The following RNF43 variants were observed in gnomAD, a reference collection of about 807,000 sequenced individuals.
RNF43 encodes the protein E3 ubiquitin-protein ligase RNF43.
RNF43 carries 37 observed loss-of-function variants against 78.4 expected under a neutral mutation model. The observed-to-expected ratio is 0.47, with a 90% CI of 0.36 to 0.62. The LOEUF (loss-of-function observed/expected upper bound fraction) is 0.62, where lower values mean the gene tolerates loss of function less well. RNF43 is among the 20% of genes least tolerant of loss of function. RNF43 has a pLI of 0.00. For missense variants in RNF43, 774 were observed against 1,007.9 expected, an observed-to-expected ratio of 0.77 and a Z score of 3.14; for synonymous variants, 347 against 395.0, an observed-to-expected ratio of 0.88 and a Z score of 1.44.
intron 2 of RNF43, among the ~76,000 whole-genome samples, chr17:58,389,964 A>G (rs944509255): frequency 1.3e-5 from 2 of 152,228 alleles, no homozygotes; most frequent in African/African-American, 4.8e-5. Flanking sequence ...TCCATGGAAG[A>G]AAGTATTACT....
At chr17:58,356,603 A>T (rs1015704934) in intron 9 of RNF43, among the ~76,000 whole-genome samples, 1 of 152,210 alleles carries the variant, frequency 6.6e-6, no homozygotes, top group Admixed American at 6.5e-5. Context: ...CTTTTACCAC[A>T]GGGGAAGAGA....
chr17:58,360,327 C>T lies in RNF43; in HGVS notation c.850-76G>A, dbSNP rs1003979825. ...TGCCAGGAATCAGGACATCCCCCAA[C>T]TCCCTTAGGCCTCTCCTTGCTATTA... On this transcript the variant is annotated intron_variant, in intron 7 of 9. Coordinates refer to ENST00000407977, the MANE Select transcript of RNF43 (RefSeq NM_017763.6). The surrounding 1 kb of genome is among the most constrained non-coding windows in gnomAD (Gnocchi z 4.3). 2.9e-6 allele frequency: 3 copies of T among 1,027,356 alleles called. No individual in the cohort carries two copies. Among genetic ancestry groups the T allele is most frequent in the Non-Finnish European group, 4.6e-6 (3 of 652,786 alleles). The allele number at this position is 1,027,356 out of a possible 1,614,324, so 63.6% of individuals were successfully genotyped here. A position where few individuals can be genotyped will look rare whatever the true frequency, so the allele number is the denominator to read the frequency against.
intron 2 of RNF43, among the ~76,000 whole-genome samples, chr17:58,413,724 C>G (rs2143688320): frequency 6.6e-6 from 1 of 152,112 alleles, no homozygotes; most frequent in Middle Eastern, 3.4e-3. Context: ...TTTACTTTTT[C>G]CTTTATGAAA....
At chr17:58,415,270 GAAGA>G in intron 2 of RNF43, 52 bp downstream of exon 2, 4 of 1,584,646 alleles carry the variant, frequency 2.5e-6, no homozygotes, top group Non-Finnish European at 1.7e-6. Context: ...GGAGACAAAA[GAAGA>G]AAGACATATT....
intron 3 of RNF43, among the ~76,000 whole-genome samples, chr17:58,366,678 G>A (rs1409846203): frequency 2.0e-5 from 3 of 152,158 alleles, no homozygotes; most frequent in Non-Finnish European, 4.4e-5. Context: ...TGTGTCTGTT[G>A]TTTTTTTCTG....
chr17:58,407,228 A>G (rs1408348829), intron 2 of RNF43, among the ~76,000 whole-genome samples: 1 of 151,790 alleles, frequency 6.6e-6, no homozygotes, highest in Non-Finnish European at 1.5e-5. Context: ...ACAGGTGTGC[A>G]CTACCACACC....
At chr17:58,413,577 G>C (rs569298665) in intron 2 of RNF43, among the ~76,000 whole-genome samples, 2 of 152,150 alleles carry the variant, frequency 1.3e-5, no homozygotes, top group East Asian at 3.9e-4. Flanking sequence ...ATAATGATAG[G>C]ATCAAAGTTA....
At chr17:58,414,265 T>A (rs2143690080) in intron 2 of RNF43, among the ~76,000 whole-genome samples, 1 of 152,350 alleles carries the variant, frequency 6.6e-6, no homozygotes, top group East Asian at 1.9e-4. Context: ...TGTTAAATTT[T>A]CCTATCTTCT....
At chr17:58,359,639 T>A (rs951259482) in intron 8 of RNF43, among the ~76,000 whole-genome samples, 1 of 141,262 alleles carries the variant, frequency 7.1e-6, no homozygotes, top group Non-Finnish European at 1.5e-5. Flanking sequence ...AATAAAGATA[T>A]CTACATGCCA....
At chr17:58,376,867 C>A (rs1973215120) in intron 2 of RNF43, among the ~76,000 whole-genome samples, 1 of 152,152 alleles carries the variant, frequency 6.6e-6, no homozygotes, top group Non-Finnish European at 1.5e-5. Context: ...CACTGTCTCA[C>A]AGGCTGCCAT....
intron 2 of RNF43, among the ~76,000 whole-genome samples, chr17:58,410,648 C>T (rs1030830941): frequency 6.6e-6 from 1 of 152,016 alleles, no homozygotes; most frequent in Non-Finnish European, 1.5e-5. Context: ...ATTTCAGGTT[C>T]CTATATTAGA....
intron 2 of RNF43, among the ~76,000 whole-genome samples, chr17:58,382,095 C>A (rs1396032074): frequency 6.6e-6 from 1 of 152,162 alleles, no homozygotes; most frequent in Non-Finnish European, 1.5e-5. Context: ...TCCCCTGAAG[C>A]CATCTATACA....
chr17:58,414,405 G>C (rs1180468141), intron 2 of RNF43, among the ~76,000 whole-genome samples: 1 of 152,218 alleles, frequency 6.6e-6, no homozygotes, highest in East Asian at 1.9e-4. Flanking sequence ...CCTGTGTCCA[G>C]TAGCTACAGC....
intron 2 of RNF43, among the ~76,000 whole-genome samples, chr17:58,402,439 T>C (rs987769717): frequency 7.9e-5 from 12 of 152,192 alleles, no homozygotes; most frequent in East Asian, 3.8e-4. Context: ...ATCATTTTTT[T>C]CCCCTAATTC....
chr17:58,374,308 A>G (rs1325906100), intron 2 of RNF43, among the ~76,000 whole-genome samples: 1 of 152,152 alleles, frequency 6.6e-6, no homozygotes, highest in Non-Finnish European at 1.5e-5. Flanking sequence ...AATTTATCTT[A>G]CTAAAGCATA....
downstream of RNF43, chr17:58,352,877 T>C (rs1397091933): frequency 1.8e-5 from 4 of 217,806 alleles, no homozygotes; most frequent in Admixed American, 1.2e-4. Flanking sequence ...GTGTCCTTTT[T>C]TTCCCTTTCA....
intron 5 of RNF43, 197 bp downstream of exon 5, chr17:58,363,078 T>C (rs1386668836): frequency 6.3e-6 from 4 of 635,348 alleles, no homozygotes; most frequent in Non-Finnish European, 1.1e-5. Context: ...TCATCTGTCC[T>C]GATCTGTTCA....
rs2143418215 is a variant in RNF43, at chr17:58,358,518, G to A, written c.1258C>T (p.His420Tyr). ...HPYAQGWGLS[H>Y]LQSTSQHPAA... ...GGGTGCTGTGAGGTGGATTGGAGGT[G>A]GCTCAGTCCCCAGCCTTGTGCATAG... Residue 420 changes from histidine to tyrosine, a missense_variant, in exon 9 of 10, where the codon CAC (histidine) becomes TAC (tyrosine). Physicochemically the swap from His to Tyr is moderately conservative, Grantham distance 83. Transcript: ENST00000407977. The surrounding 1 kb of genome is among the most constrained non-coding windows in gnomAD (Gnocchi z 6.2). 6.2e-7 allele frequency: 1 copy of A among 1,613,660 alleles called. No homozygotes were observed. Among genetic ancestry groups the A allele is most frequent in the Non-Finnish European group, 8.5e-7 (1 of 1,179,748 alleles).
At chr17:58,373,469 C>A (rs572480540) in intron 2 of RNF43, among the ~76,000 whole-genome samples, 1 of 152,274 alleles carries the variant, frequency 6.6e-6, no homozygotes, top group Non-Finnish European at 1.5e-5. Flanking sequence ...TGTGCCAGAG[C>A]TTTTAGACAT....
Sources: allele counts gnomAD v4.1 joint callset (sites outside exome capture counted in the v4.1 genomes callset), GRCh38; gene constraint gnomAD v4.1.1; non-coding constraint Gnocchi (gnomAD v3.1); transcripts MANE v1.5; gene names NCBI Gene and HGNC (gene_info 2026-07-23, HGNC 2026-07-21).